PDE1C: variants seen among roughly 807,000 people sequenced by gnomAD.
PDE1C encodes the protein phosphodiesterase 1C.
In PDE1C, 62 loss-of-function variants were observed where a neutral mutation model predicts 93.1. That is an observed-to-expected ratio of 0.67 (90% confidence interval 0.54 to 0.82). The LOEUF is 0.82. Ranked by LOEUF, PDE1C falls within the 40% of genes least tolerant of loss-of-function variation. The pLI is 0.00. For synonymous variants in PDE1C, 325 were observed against 310.1 expected, an observed-to-expected ratio of 1.05 and a Z score of -0.50; for missense variants, 742 against 884.6, an observed-to-expected ratio of 0.84 and a Z score of 2.04.
At position 31,952,253 on chromosome 7, in the gene PDE1C, CT is replaced by C. The variant is rs373643162; in HGVS notation, c.129-71394del. Among the ~76,000 whole-genome samples, 655 of 149,274 alleles carry C rather than the reference CT, an allele frequency of 4.4e-3. 2 individuals are homozygous for C. Among genetic ancestry groups the C allele is most frequent in the African/African-American group, 0.015 (623 of 40,730 alleles). On this transcript the variant is annotated intron_variant, in intron 2 of 17. Transcript: ENST00000396191. ...GAATGTACCTATATTAGAGAACTAC[CT>C]TTTTTTTTTCCTTTTGACAGAGTCT... is the stretch of plus-strand genomic sequence containing the variant.
At chr7:31,663,774 A>T in the PDE1C span, among the ~76,000 whole-genome samples, 1 of 152,178 alleles carries the variant, frequency 6.6e-6, no homozygotes, top group Non-Finnish European at 1.5e-5. Flanking sequence ...CTTGCTTACC[A>T]TGTGCTAATA....
At chr7:32,129,231 A>G (rs567123433) in intron 3 of PDE1C, among the ~76,000 whole-genome samples, 123 of 151,686 alleles carry the variant, frequency 8.1e-4, no homozygotes, top group Non-Finnish European at 1.6e-3. Flanking sequence ...AGAGACCACC[A>G]TACTGAAGAT....
chr7:31,850,074 T>G (rs1239979437), intron 8 of PDE1C, among the ~76,000 whole-genome samples: 1 of 151,876 alleles, frequency 6.6e-6, no homozygotes, highest in African/African-American at 2.4e-5. Context: ...TGCAGTCCAT[T>G]AGGAAGGATG....
intron 2 of PDE1C, among the ~76,000 whole-genome samples, chr7:31,901,581 G>A (rs1335094681): frequency 6.6e-6 from 1 of 150,958 alleles, no homozygotes; most frequent in Non-Finnish European, 1.5e-5. Flanking sequence ...TCTAAACTAT[G>A]GATTTGTTGC....
At chr7:32,417,706 A>G (rs534185216) in intron 1 of PDE1C, among the ~76,000 whole-genome samples, 1 of 151,788 alleles carries the variant, frequency 6.6e-6, no homozygotes, top group African/African-American at 2.4e-5. Flanking sequence ...GTGCACATAA[A>G]AAAGGAGAGG....
chr7:32,342,634 T>C (rs1028349433), intron 1 of PDE1C, among the ~76,000 whole-genome samples: 3 of 152,162 alleles, frequency 2.0e-5, no homozygotes, highest in African/African-American at 7.2e-5. Flanking sequence ...TATGGTGTAG[T>C]GGTTAGGAGA....
intron 2 of PDE1C, among the ~76,000 whole-genome samples, chr7:32,197,214 A>G (rs1804687680): frequency 6.6e-6 from 1 of 152,198 alleles, no homozygotes; most frequent in African/African-American, 2.4e-5. Flanking sequence ...AAACATTATT[A>G]GTCATTAGAG....
chr7:31,655,432 C>G, the PDE1C span, among the ~76,000 whole-genome samples: 1 of 152,210 alleles, frequency 6.6e-6, no homozygotes, highest in African/African-American at 2.4e-5. Flanking sequence ...ACCTTCTCTC[C>G]AAACTGCACT....
the PDE1C span, among the ~76,000 whole-genome samples, chr7:31,662,181 G>A: frequency 6.6e-6 from 1 of 152,200 alleles, no homozygotes; most frequent in Non-Finnish European, 1.5e-5. Context: ...CCCTGGAAGG[G>A]AATATGGTCC....
At chr7:32,014,459 CT>C (rs903639559) in intron 2 of PDE1C, among the ~76,000 whole-genome samples, 10 of 146,604 alleles carry the variant, frequency 6.8e-5, no homozygotes, top group East Asian at 2.2e-4. Context: ...AAATATATGT[CT>C]TTTTTTTTAT....
At chr7:31,709,873 A>T in the PDE1C span, among the ~76,000 whole-genome samples, 5 of 152,218 alleles carry the variant, frequency 3.3e-5, no homozygotes, top group African/African-American at 1.2e-4. Context: ...TAAGGGACCC[A>T]GGTGCAGTGG....
chr7:32,355,589 C>T (rs1450705050), intron 1 of PDE1C, among the ~76,000 whole-genome samples: 6 of 152,134 alleles, frequency 3.9e-5, no homozygotes, highest in East Asian at 3.9e-4. Flanking sequence ...TAGCAAGATC[C>T]GACATAAATG....
intron 3 of PDE1C, among the ~76,000 whole-genome samples, chr7:32,127,106 G>C (rs1799630675): frequency 6.6e-6 from 1 of 152,136 alleles, no homozygotes; most frequent in Non-Finnish European, 1.5e-5. Flanking sequence ...CTTGAGTTGG[G>C]ACATTAATTC....
At chr7:31,836,230 A>G (rs1278936434) in intron 11 of PDE1C, among the ~76,000 whole-genome samples, 2 of 152,226 alleles carry the variant, frequency 1.3e-5, no homozygotes, top group Non-Finnish European at 2.9e-5. Context: ...CCTGAGTTGG[A>G]AAGACTTCGG....
intron 11 of PDE1C, 69 bp from the exon 12 acceptor site, chr7:31,828,442 C>G (rs909671716): frequency 2.6e-6 from 3 of 1,153,058 alleles, no homozygotes; most frequent in Non-Finnish European, 3.8e-6. Context: ...CATTTAGCAA[C>G]TTCTGCCGCC....
intron 3 of PDE1C, among the ~76,000 whole-genome samples, chr7:32,117,253 C>T (rs1799034040): frequency 6.6e-6 from 1 of 152,058 alleles, no homozygotes. Context: ...GATAGGCTTT[C>T]AAAACTATTT....
rs1216050790 is a variant in PDE1C, at chr7:32,078,921, C to T, written c.308+90864G>A. On this transcript the variant is annotated intron_variant, in intron 3 of 18. Coordinates refer to the PDE1C transcript ENST00000396193. ...AGCCTTGGCAACAGAGCAAGACTCA[C>T]TCTCTCAAAAAAAAAAAAAAGAAAA... is the stretch of plus-strand genomic sequence containing the variant. Among the ~76,000 whole-genome samples the T allele has an allele frequency of 4.1e-4, 59 of 142,224 alleles. 1 individual carries two copies. Among genetic ancestry groups the T allele is most frequent in the East Asian group, 2.6e-4 (1 of 3,900 alleles). The allele number at this position is 142,224 out of a possible 152,430, so 93.3% of individuals were successfully genotyped here.
At chr7:31,836,577 C>T (rs1029419673) in intron 11 of PDE1C, among the ~76,000 whole-genome samples, 2 of 152,138 alleles carry the variant, frequency 1.3e-5, no homozygotes, top group African/African-American at 2.4e-5. Flanking sequence ...TCATGATCCA[C>T]CCGCCTTGGC....
chr7:32,148,413 A>C (rs1801041809), intron 3 of PDE1C, among the ~76,000 whole-genome samples: 1 of 152,162 alleles, frequency 6.6e-6, no homozygotes, highest in Non-Finnish European at 1.5e-5. Flanking sequence ...TTACACTTAC[A>C]GTGTATCTCA....
Sources: gnomAD v4.1 joint callset for allele counts (sites outside exome capture counted in the v4.1 genomes callset) on GRCh38, gnomAD v4.1.1 for gene constraint, MANE v1.5 for transcripts, NCBI Gene and HGNC (gene_info 2026-07-23, HGNC 2026-07-21) for gene names.